CDH23: variants seen among roughly 807,000 people sequenced by gnomAD.
CDH23 encodes the protein cadherin-23.
Under a neutral mutation model 317.1 loss-of-function variants are expected in CDH23, and 189 were observed. The observed-to-expected ratio is 0.60, with a 90% CI of 0.53 to 0.67. The LOEUF is 0.67. Among genes scored for constraint, CDH23 ranks in the 30% least tolerant of loss-of-function variants. The pLI is 0.00. For missense variants in CDH23, 4,401 were observed against 4,592.4 expected (o/e 0.96, Z 1.20); for synonymous variants, 1,839 against 1,876.8 (o/e 0.98, Z 0.52).
At chr10:71,559,537 T>G (rs188705448) in intron 6 of CDH23, among the ~76,000 whole-genome samples, 139 of 152,248 alleles carry the variant, frequency 9.1e-4, no homozygotes, top group East Asian at 4.4e-3. Context: ...CGATAAGCAC[T>G]TTGATGAGTG....
intron 14 of CDH23, 138 bp downstream of exon 14, chr10:71,646,755 G>A: frequency 1.3e-6 from 2 of 1,599,132 alleles, no homozygotes; most frequent in South Asian, 1.1e-5. Context: ...GTTTGTTGGT[G>A]TATTAAATAA....
rs1867994 is a variant in CDH23 at position 71,562,641 on chromosome 10, G to A, written c.430-4101G>A. Among the ~76,000 whole-genome samples, 1,154 of 152,364 alleles carry A rather than the reference G, an allele frequency of 7.6e-3. 18 individuals are homozygous for A. Among genetic ancestry groups the A allele is most frequent in the African/African-American group, 0.027 (1,105 of 41,576 alleles). On this transcript the variant is annotated intron_variant, in intron 6 of 69. Coordinates refer to ENST00000224721, the MANE Select transcript of CDH23 (RefSeq NM_022124.6). Reference sequence around the variant, plus strand: ...GGAGCTGAGACCCATGCAGGCCAGCGTGAGCAAGTGGGGTGCCCATAGAAA... The same window carrying A: ...GGAGCTGAGACCCATGCAGGCCAGCATGAGCAAGTGGGGTGCCCATAGAAA...
intron 34 of CDH23, among the ~76,000 whole-genome samples, chr10:71,735,683 G>A (rs1271436135): frequency 6.6e-6 from 1 of 152,254 alleles, no homozygotes; most frequent in East Asian, 1.9e-4. Context: ...CAAGCCAAGA[G>A]CCAAACACAA....
At chr10:71,664,120 C>T (rs1863790399) in intron 14 of CDH23, among the ~76,000 whole-genome samples, 1 of 152,194 alleles carries the variant, frequency 6.6e-6, no homozygotes, top group African/African-American at 2.4e-5. Context: ...AACACCCCTC[C>T]TCCAGGCATC....
chr10:71,765,129 G>A (rs543096300), intron 38 of CDH23, among the ~76,000 whole-genome samples: 3 of 152,296 alleles, frequency 2.0e-5, no homozygotes, highest in African/African-American at 7.2e-5. Context: ...GCCCCAAGGG[G>A]GCCCTGTGCT....
intron 9 of CDH23, among the ~76,000 whole-genome samples, chr10:71,603,417 C>A (rs558712015): frequency 6.6e-6 from 1 of 151,936 alleles, no homozygotes; most frequent in Non-Finnish European, 1.5e-5. Flanking sequence ...AGTGCCAAGC[C>A]TCGGGTGAGT....
In CDH23 at chr10:71,778,310, T is replaced by C. The variant is rs986154966; in HGVS notation, c.5187+2T>C. On this transcript the variant is annotated splice_donor_variant, in intron 40 of 69. Transcript: ENST00000224721. LOFTEE classifies it high-confidence loss of function. ...CACCGCCTCACCTCTACCACCACGG[T>C]GGGTGCATGGGACACAGCCCCAACT... 6.2e-7 allele frequency: 1 copy of C among 1,613,718 alleles called. No homozygotes were observed.
Position 71,646,216 on chromosome 10 carries a change from G to GA in CDH23, c.1290+237dup, listed in dbSNP as rs3214768. Reference sequence around the variant, plus strand: ...TGGAATTTTACCAGACTCCCATCAGGAGCCTCTGCAACCCATCTCCTGCCA... The same window carrying GA: ...TGGAATTTTACCAGACTCCCATCAGGAAGCCTCTGCAACCCATCTCCTGCCA... On this transcript the variant is annotated intron_variant, in intron 13 of 69. Coordinates refer to ENST00000224721, the MANE Select transcript of CDH23 (RefSeq NM_022124.6). Among the ~76,000 whole-genome samples, 28,812 of 152,130 alleles carry GA rather than the reference G, an allele frequency of 0.19. 3,007 individuals are homozygous for GA. The highest frequency in any genetic ancestry group is 0.36 in the East Asian group (1,839 of 5,154).
At chr10:71,564,229 C>T (rs1454845611) in intron 6 of CDH23, among the ~76,000 whole-genome samples, 3 of 152,150 alleles carry the variant, frequency 2.0e-5, no homozygotes, top group Admixed American at 2.0e-4. Context: ...TGTGCATTTC[C>T]ATGGAACAGC....
intron 1 of CDH23, among the ~76,000 whole-genome samples, chr10:71,406,086 G>A (rs890592801): frequency 6.6e-6 from 1 of 151,170 alleles, no homozygotes; most frequent in Non-Finnish European, 1.5e-5. Context: ...TGAGATCACA[G>A]TTCATTGCAG....
intron 28 of CDH23, chr10:71,715,400 C>T (rs896667854): frequency 1.3e-5 from 2 of 152,426 alleles, no homozygotes; most frequent in Non-Finnish European, 2.9e-5. Flanking sequence ...CACAGGGCAC[C>T]AGGCAGATGC....
intron 14 of CDH23, among the ~76,000 whole-genome samples, chr10:71,674,555 T>C (rs1423184115): frequency 6.6e-6 from 1 of 152,166 alleles, no homozygotes; most frequent in Non-Finnish European, 1.5e-5. Flanking sequence ...GCATGGATTA[T>C]TTACTGTCTC....
At position 71,679,491 on chromosome 10, in the gene CDH23, A is replaced by C. The variant is rs1273733233; in HGVS notation, c.1857A>C (p.Gly619=). 1 of 1,605,206 alleles carries C rather than the reference A, an allele frequency of 6.2e-7. No individual in the cohort carries two copies. Among genetic ancestry groups the C allele is most frequent in the African/African-American group, 1.3e-5 (1 of 74,764 alleles). Reference sequence around the variant, plus strand: ...ACATCAGCCTGTACGAGGGCTATGGAGGTAGGTGTGGGGCAGAACTCGGGG... The same window carrying C: ...ACATCAGCCTGTACGAGGGCTATGGCGGTAGGTGTGGGGCAGAACTCGGGG... ...YFDISLYEGY[G]VISVSRPLDY... The change falls in exon 17 of 70, where the codon GGA becomes GGC. Residue 619 remains glycine, a splice_region_variant and synonymous_variant. Transcript: ENST00000224721.
intron 3 of CDH23, among the ~76,000 whole-genome samples, chr10:71,482,619 G>A (rs1852128849): frequency 6.6e-6 from 1 of 152,234 alleles, no homozygotes; most frequent in Non-Finnish European, 1.5e-5. Context: ...GCACTGGACT[G>A]CTGGGCAGGT....
rs1464216760 is a variant in CDH23, at chr10:71,435,074, T to A, written c.-5-4753T>A. On this transcript the variant is annotated intron_variant, in intron 1 of 69. Coordinates refer to ENST00000224721, the MANE Select transcript of CDH23 (RefSeq NM_022124.6). The stretch of plus-strand genomic sequence containing the variant: ...GCAGGACCCTCCCCTGGGTCACATG[T>A]CTGAGCTCAGCAAGGGTTGGGGCTG... Among the ~76,000 whole-genome samples the A allele has an allele frequency of 3.3e-5, 5 of 152,180 alleles. No individual in the cohort carries two copies. In the East Asian group the frequency reaches 9.6e-4, roughly 29 times the overall value.
intron 18 of CDH23, among the ~76,000 whole-genome samples, chr10:71,686,426 G>T (rs560427629): frequency 6.6e-6 from 1 of 152,068 alleles, no homozygotes; most frequent in Non-Finnish European, 1.5e-5. Flanking sequence ...GAGCCAAGGG[G>T]CAGATTGGAG....
chr10:71,623,026 C>A, intron 11 of CDH23: 2 of 864,936 alleles, frequency 2.3e-6, no homozygotes, highest in Non-Finnish European at 2.8e-6. Flanking sequence ...GTGTTATGTG[C>A]ACCAACTATG....
chr10:71,446,395 G>A lies in CDH23; in HGVS notation c.145G>A (p.Gly49Ser), dbSNP rs1202016288. ...YLLISEDTPV[G>S]SSVTQLLAQD... The stretch of plus-strand genomic sequence containing the variant: ...GCTGATCAGCGAGGACACGCCTGTG[G>A]GTGAGTGGGGGCATGGGCTGGTGGG... Residue 49 changes from glycine to serine, a missense_variant and splice_region_variant, in exon 3 of 70, where the codon GGT (glycine) becomes AGT (serine). Physicochemically the swap from Gly to Ser is moderately conservative, Grantham distance 56 (BLOSUM62 0). Around this residue, in one of 3 missense-constraint regions of CDH23, gnomAD observed 3,068 missense variants for 3,203.3 expected, o/e 0.96. Transcript: ENST00000224721. 5.6e-6 allele frequency: 9 copies of A among 1,613,992 alleles called. No homozygotes were observed. Among genetic ancestry groups the A allele is most frequent in the Non-Finnish European group, 7.6e-6 (9 of 1,179,872 alleles).
chr10:71,738,888 C>A (rs1262715581), intron 35 of CDH23, among the ~76,000 whole-genome samples: 1 of 152,260 alleles, frequency 6.6e-6, no homozygotes, highest in African/African-American at 2.4e-5. Context: ...CAAGGCGCAA[C>A]CCCTCAGTGA....
Sources: allele counts gnomAD v4.1 joint callset (sites outside exome capture counted in the v4.1 genomes callset), GRCh38; gene constraint gnomAD v4.1.1; regional missense constraint gnomAD v4.1.1; transcripts MANE v1.5; gene names NCBI Gene and HGNC (gene_info 2026-07-23, HGNC 2026-07-21).